Variants in SFXN4 observed in about 807,000 individuals in gnomAD.
SFXN4 encodes sideroflexin 4.
Under a neutral mutation model 54.6 loss-of-function variants are expected in SFXN4, and 48 were observed. That is an observed-to-expected ratio of 0.88 (90% CI 0.70 to 1.12). The LOEUF is 1.12. Ranked by LOEUF, SFXN4 falls within the 50% of genes most tolerant of loss-of-function variation. The probability of loss-of-function intolerance (pLI) is 0.00; values close to 1 mark genes in which losing one functional copy is unlikely to be tolerated. For missense variants in SFXN4, 383 were observed against 409.2 expected (o/e 0.94, Z 0.55); for synonymous variants, 130 against 145.5 (o/e 0.89, Z 0.77).
intron 13 of SFXN4, among the ~76,000 whole-genome samples, chr10:119,141,967 G>A (rs921767774): frequency 9.9e-5 from 15 of 152,110 alleles, no homozygotes; most frequent in African/African-American, 3.4e-4. Flanking sequence ...ACAGTGAGCC[G>A]AGATCAGGAG....
rs773722822 is a variant in SFXN4 at position 119,157,692 on chromosome 10, G to A, written c.513C>T (p.Ala171=). The A allele has an allele frequency of 4.1e-5, 66 of 1,605,706 alleles. No homozygotes were observed. The highest frequency in any genetic ancestry group is 6.7e-5 in the African/African-American group (5 of 74,492). Residue 171 remains alanine, a synonymous_variant, in exon 9 of 14, where the codon GCC becomes GCT. Coordinates refer to ENST00000355697, the MANE Select transcript of SFXN4 (RefSeq NM_213649.2). ...CTCCTAAGAAAGTTGAAGAAGCAAC[G>A]GCTCCCGCCATTAGTAATGATCTTT... ...PLERSLLMAG[A]VASSTFLGVI...
chr10:119,152,097 G>A (rs1201449702), intron 11 of SFXN4, among the ~76,000 whole-genome samples: 1 of 152,006 alleles, frequency 6.6e-6, no homozygotes, highest in African/African-American at 2.4e-5. Flanking sequence ...GCATGAGTGA[G>A]CCACCATGCC....
At position 119,146,314 on chromosome 10, in the gene SFXN4, A is replaced by C; in HGVS notation, c.858T>G (p.Ile286Met). 1 of 1,613,814 alleles carries C rather than the reference A, an allele frequency of 6.2e-7. No individual in the cohort carries two copies. The highest frequency in any genetic ancestry group is 1.3e-5 in the African/African-American group (1 of 75,042). The change falls in exon 13 of 14, where the codon ATT becomes ATG. Residue 286 changes from isoleucine (I) to methionine (M), a missense_variant. Ile to Met is a conservative substitution (Grantham distance 10, BLOSUM62 1). Transcript: ENST00000355697. ...YFRKNPGSLW[I>M]LKLSCTVLAM... Reference sequence around the variant, plus strand: ...CCAGGACAGTACAAGACAGTTTCAAAATCCACAATGACCCTGGGTTTTTCC... The same window carrying C: ...CCAGGACAGTACAAGACAGTTTCAACATCCACAATGACCCTGGGTTTTTCC...
chr10:119,144,446 G>C (rs1300360536), intron 13 of SFXN4, among the ~76,000 whole-genome samples: 1 of 151,084 alleles, frequency 6.6e-6, no homozygotes, highest in Non-Finnish European at 1.5e-5. Context: ...GACAGAACGA[G>C]ACTCCGTCTC....
intron 6 of SFXN4, 75 bp downstream of exon 6, chr10:119,159,653 A>C: frequency 1.2e-5 from 17 of 1,460,014 alleles, no homozygotes; most frequent in Non-Finnish European, 1.4e-5. Context: ...CTGGAGGGAC[A>C]CAGCTGAGGT....
intron 2 of SFXN4, among the ~76,000 whole-genome samples, 200 bp from the exon 3 acceptor site, chr10:119,162,614 G>A (rs1401450386): frequency 2.6e-5 from 4 of 152,036 alleles, no homozygotes; most frequent in Non-Finnish European, 5.9e-5. Flanking sequence ...CCTCTTCCTA[G>A]ATGCTCCAGC....
chr10:119,157,663 C>T lies in SFXN4; in HGVS notation c.537+5G>A. The T allele has an allele frequency of 3.8e-6, 6 of 1,589,712 alleles. No individual in the cohort carries two copies. Among genetic ancestry groups the T allele is most frequent in the Non-Finnish European group, 4.3e-6 (5 of 1,170,470 alleles). On this transcript the variant is annotated splice_donor_5th_base_variant and intron_variant, in intron 9 of 13. Coordinates refer to ENST00000355697, the MANE Select transcript of SFXN4 (RefSeq NM_213649.2). Reference sequence around the variant, plus strand: ...GAAGATTTGACAGATTCTAAAAATACCTACTCCTAAGAAAGTTGAAGAAGC... The same window carrying T: ...GAAGATTTGACAGATTCTAAAAATATCTACTCCTAAGAAAGTTGAAGAAGC...
chr10:119,157,949 T>C lies in SFXN4; in HGVS notation c.415-22A>G. ...AAACCTGCCGAGAGGGGCAAATGGA[T>C]CGCATTTTCGTTTCAAGCATAACAG... On this transcript the variant is annotated intron_variant, in intron 7 of 13. Transcript: ENST00000355697. The C allele has an allele frequency of 1.9e-6, 3 of 1,614,220 alleles. No individual in the cohort carries two copies. The South Asian group carries it at 3.3e-5, about 18-fold the overall frequency.
chr10:119,158,154 G>C (rs1365687099), intron 6 of SFXN4, 92 bp from the exon 7 acceptor site: 2 of 1,213,366 alleles, frequency 1.6e-6, no homozygotes, highest in Non-Finnish European at 2.4e-6. Flanking sequence ...AGGGAGAATT[G>C]AGCCCCCAAG....
chr10:119,152,020 T>C (rs191972838), intron 11 of SFXN4, among the ~76,000 whole-genome samples: 2 of 152,144 alleles, frequency 1.3e-5, no homozygotes, highest in East Asian at 3.9e-4. Flanking sequence ...GGTTTTGCTA[T>C]GCTGCCCAGG....
At chr10:119,162,511 G>C in intron 2 of SFXN4, 97 bp from the exon 3 acceptor site, 3 of 925,106 alleles carry the variant, frequency 3.2e-6, no homozygotes, top group Non-Finnish European at 3.5e-6. Flanking sequence ...AGCATGCACT[G>C]GACTTCGACT....
Position 119,161,221 on chromosome 10 carries a change from C to T in SFXN4, c.253-140G>A, listed in dbSNP as rs140348382. On this transcript the variant is annotated intron_variant, in intron 3 of 13. Transcript: ENST00000355697. ...ACAGCCTCGAACTACTGGGTTCAAA[C>T]GATCCTCCCACCTCACCCTCCTGAA... 768 of 747,902 alleles carry T rather than the reference C, an allele frequency of 1.0e-3. 3 individuals carry two copies. The highest frequency in any genetic ancestry group is 1.5e-3 in the Non-Finnish European group (695 of 455,940). 46.3% of individuals were successfully genotyped at this position (747,902 alleles called of 1,614,324 possible).
At chr10:119,162,513 A>G in intron 2 of SFXN4, 99 bp from the exon 3 acceptor site, 2 of 905,788 alleles carry the variant, frequency 2.2e-6, no homozygotes, top group South Asian at 3.0e-5. Flanking sequence ...CATGCACTGG[A>G]CTTCGACTGC....
At position 119,165,522 on chromosome 10, in the gene SFXN4, G is replaced by A. The variant is rs990585814; in HGVS notation, c.111+15C>T. 17 of 1,570,334 alleles carry A rather than the reference G, an allele frequency of 1.1e-5. No individual in the cohort carries two copies. The highest frequency in any genetic ancestry group is 1.4e-5 in the Non-Finnish European group (16 of 1,164,368). ...CCCCCTCCCTGCCCCTAGTCGCGCC[G>A]GGCCCGGGCCGTACTTGGCGCTCGG... On this transcript the variant is annotated intron_variant, in intron 1 of 13. Coordinates refer to ENST00000355697, the MANE Select transcript of SFXN4 (RefSeq NM_213649.2).
chr10:119,145,383 GGCTCATT>G (rs1846746120), intron 13 of SFXN4, among the ~76,000 whole-genome samples: 1 of 139,998 alleles, frequency 7.1e-6, no homozygotes, highest in Non-Finnish European at 1.5e-5. Flanking sequence ...TCATGATCTT[GGCTCATT>G]GCAACCTCTA....
chr10:119,156,170 C>A (rs1371208775), intron 10 of SFXN4, among the ~76,000 whole-genome samples: 1 of 152,142 alleles, frequency 6.6e-6, no homozygotes, highest in Non-Finnish European at 1.5e-5. Context: ...TGCCTGTAAT[C>A]CCAGCATTTT....
intron 1 of SFXN4, chr10:119,165,150 A>C: frequency 2.0e-6 from 2 of 991,072 alleles, no homozygotes; most frequent in Non-Finnish European, 2.4e-6. Context: ...TGTCCTGCCC[A>C]AGGGTGGCTT....
chr10:119,157,430 CAAAA>C (rs35373900), intron 9 of SFXN4, among the ~76,000 whole-genome samples: 3 of 116,116 alleles, frequency 2.6e-5, no homozygotes. Context: ...GACTGTGTCT[CAAAA>C]AAAAAAAAAA....
chr10:119,155,220 G>C, intron 10 of SFXN4, 43 bp from the exon 11 acceptor site: 1 of 1,362,002 alleles, frequency 7.3e-7, no homozygotes, highest in Non-Finnish European at 1.1e-6. Flanking sequence ...ACGGGGGTGA[G>C]TCTTGTTCCA....
Sources: gnomAD v4.1 joint callset for allele counts (sites outside exome capture counted in the v4.1 genomes callset) on GRCh38, gnomAD v4.1.1 for gene constraint, MANE v1.5 for transcripts, NCBI Gene and HGNC (gene_info 2026-07-23, HGNC 2026-07-21) for gene names.